Variants in ANOS1 observed in about 807,000 individuals in gnomAD.
ANOS1 encodes anosmin-1.
In ANOS1, 6 loss-of-function variants were observed where a neutral mutation model predicts 59.0. That is an observed-to-expected ratio of 0.10 (90% CI 0.06 to 0.20). The LOEUF (loss-of-function observed/expected upper bound fraction) is 0.20, where lower values mean the gene tolerates loss of function less well. Among genes scored for constraint, ANOS1 ranks in the 10% least tolerant of loss-of-function variants. The probability of loss-of-function intolerance (pLI) is 1.00; values close to 1 mark genes in which losing one functional copy is unlikely to be tolerated. For synonymous variants in ANOS1, 217 were observed against 223.4 expected (o/e 0.97, Z 0.25); for missense variants, 433 against 542.3 (o/e 0.80, Z 2.00).
intron 1 of ANOS1, among the ~76,000 whole-genome samples, chrX:8,726,957 C>T (rs1353222180): frequency 9.0e-6 from 1 of 111,716 alleles, no homozygotes; most frequent in South Asian, 3.8e-4. Flanking sequence ...ACAGGTGACC[C>T]TATGAGGAAC....
At chrX:8,551,796 AACCCCATATCT>A (rs1210872346) in intron 9 of ANOS1, among the ~76,000 whole-genome samples, 1 of 111,958 alleles carries the variant, frequency 8.9e-6, no homozygotes, top group African/African-American at 3.2e-5. Context: ...AACATGGTGA[AACCCCATATCT>A]ACTAAAAATA....
intron 2 of ANOS1, among the ~76,000 whole-genome samples, chrX:8,665,203 A>G (rs1932114719): frequency 1.8e-5 from 2 of 112,299 alleles, no homozygotes; most frequent in Non-Finnish European, 3.8e-5. Flanking sequence ...CAAAACAAAT[A>G]ATGGTGGGAA....
At chrX:8,675,902 CCT>C (rs1932330650) in intron 2 of ANOS1, among the ~76,000 whole-genome samples, 1 of 94,230 alleles carries the variant, frequency 1.1e-5, no homozygotes, top group Non-Finnish European at 2.1e-5. Flanking sequence ...TATTCCCTTC[CCT>C]GTGTCCATGT....
chrX:8,710,073 G>A (rs1932803016), intron 1 of ANOS1, among the ~76,000 whole-genome samples: 1 of 111,065 alleles, frequency 9.0e-6, no homozygotes, highest in African/African-American at 3.3e-5. Context: ...TGGGACTGCA[G>A]GTGCCCGCCA....
chrX:8,593,010 C>G (rs1260493476), intron 4 of ANOS1, among the ~76,000 whole-genome samples: 2 of 111,569 alleles, frequency 1.8e-5, no homozygotes, highest in Non-Finnish European at 3.8e-5. Context: ...GCTATAAAAC[C>G]AGTACTTTCT....
intron 8 of ANOS1, among the ~76,000 whole-genome samples, chrX:8,558,685 A>C (rs776926920): frequency 3.2e-4 from 36 of 111,754 alleles, no homozygotes; most frequent in Non-Finnish European, 5.8e-4. Flanking sequence ...ATGTGGAAGT[A>C]TGAGCATTAT....
At chrX:8,534,061 A>ATTCT (rs1290851989) in intron 13 of ANOS1, among the ~76,000 whole-genome samples, 1 of 108,929 alleles carries the variant, frequency 9.2e-6, no homozygotes, top group Admixed American at 9.9e-5. Context: ...GGAGCAAAGA[A>ATTCT]AGGGAGAAAA....
chrX:8,542,873 C>T (rs972395615), intron 9 of ANOS1, among the ~76,000 whole-genome samples: 5 of 107,983 alleles, frequency 4.6e-5, no homozygotes, highest in African/African-American at 1.3e-4. Flanking sequence ...GGCTTTGAGT[C>T]ATTGAATGGC....
chrX:8,695,104 G>T (rs752196696), intron 2 of ANOS1, among the ~76,000 whole-genome samples: 20 of 111,581 alleles, frequency 1.8e-4, no homozygotes, highest in Non-Finnish European at 3.8e-4. Context: ...TTGAGGCCAG[G>T]AGTTTGAGAC....
intron 2 of ANOS1, among the ~76,000 whole-genome samples, chrX:8,630,546 T>C (rs774596219): frequency 9.4e-4 from 105 of 112,201 alleles, no homozygotes; most frequent in African/African-American, 3.1e-3. Context: ...GACCCATAAA[T>C]CAGCTTAGAA....
At chrX:8,690,463 T>C (rs1229707482) in intron 2 of ANOS1, among the ~76,000 whole-genome samples, 1 of 112,174 alleles carries the variant, frequency 8.9e-6, no homozygotes, top group Non-Finnish European at 1.9e-5. Context: ...TTTGATCCAC[T>C]ACATATTAGA....
intron 2 of ANOS1, among the ~76,000 whole-genome samples, chrX:8,655,635 A>C (rs1931920451): frequency 9.0e-6 from 1 of 111,283 alleles, no homozygotes; most frequent in Admixed American, 9.5e-5. Context: ...GGCCCTTTAG[A>C]GAAATAATTT....
At chrX:8,605,142 G>A (rs1406877079) in intron 3 of ANOS1, among the ~76,000 whole-genome samples, 2 of 111,659 alleles carry the variant, frequency 1.8e-5, no homozygotes, top group East Asian at 2.8e-4. Context: ...TTGTACACAT[G>A]TCCTGGGCAC....
At chrX:8,617,209 A>C (rs1931192322) in intron 3 of ANOS1, among the ~76,000 whole-genome samples, 1 of 111,972 alleles carries the variant, frequency 8.9e-6, no homozygotes, top group African/African-American at 3.3e-5. Context: ...TTCTTTCAAG[A>C]CCTTTAACTA....
intron 1 of ANOS1, among the ~76,000 whole-genome samples, chrX:8,718,128 T>C (rs1932852250): frequency 8.9e-6 from 1 of 111,939 alleles, no homozygotes; most frequent in Non-Finnish European, 1.9e-5. Flanking sequence ...GCAAAAGATA[T>C]GATGGCACTA....
intron 3 of ANOS1, among the ~76,000 whole-genome samples, chrX:8,610,603 A>G (rs777583605): frequency 1.8e-5 from 2 of 111,730 alleles, no homozygotes; most frequent in African/African-American, 3.3e-5. Flanking sequence ...TTCAAACTGC[A>G]TAAGTCTGGG....
intron 4 of ANOS1, among the ~76,000 whole-genome samples, chrX:8,594,679 T>TGTATATATATACAC (rs1930689910): frequency 1.0e-4 from 6 of 58,716 alleles, no homozygotes; most frequent in African/African-American, 4.6e-4. Context: ...TATATATATA[T>TGTATATATATACAC]ATATATATAT....
chrX:8,713,854 C>G (rs997174562), intron 1 of ANOS1, among the ~76,000 whole-genome samples: 2 of 111,159 alleles, frequency 1.8e-5, no homozygotes, highest in Non-Finnish European at 3.8e-5. Flanking sequence ...CTCAGGTGAT[C>G]CACCTGCCTC....
intron 4 of ANOS1, among the ~76,000 whole-genome samples, chrX:8,591,652 G>T (rs1461240374): frequency 8.9e-6 from 1 of 111,971 alleles, no homozygotes; most frequent in Non-Finnish European, 1.9e-5. Flanking sequence ...GTTAAGAAAT[G>T]GTCCATCTGC....
Sources: allele counts gnomAD v4.1 joint callset (sites outside exome capture counted in the v4.1 genomes callset), GRCh38; gene constraint gnomAD v4.1.1; transcripts MANE v1.5; gene names NCBI Gene and HGNC (gene_info 2026-07-23, HGNC 2026-07-21).